IFT74: variants seen among roughly 807,000 people sequenced by gnomAD.
IFT74 encodes intraflagellar transport 74, also known as intraflagellar transport protein 74 homolog.
In IFT74, 92 loss-of-function variants were observed where a neutral mutation model predicts 96.7. That is an observed-to-expected ratio of 0.95 (90% CI 0.80 to 1.13). IFT74 has a LOEUF of 1.13. Among genes scored for constraint, IFT74 ranks in the 50% most tolerant of loss-of-function variants. IFT74 has a pLI of 0.00. For missense variants in IFT74, 811 were observed against 698.2 expected (o/e 1.16, Z -1.82); for synonymous variants, 223 against 213.2 (o/e 1.05, Z -0.40).
chr9:27,037,978 T>C (rs752591181), intron 13 of IFT74, among the ~76,000 whole-genome samples: 7 of 152,250 alleles, frequency 4.6e-5, no homozygotes, highest in Non-Finnish European at 1.0e-4. Flanking sequence ...ACTACCTCAC[T>C]GTTTTAGCCA....
chr9:27,007,039 A>G (rs1004260258), intron 8 of IFT74, among the ~76,000 whole-genome samples: 2 of 151,656 alleles, frequency 1.3e-5, no homozygotes, highest in Admixed American at 6.6e-5. Context: ...GGGTTTCACC[A>G]TGTTAGCAAG....
At chr9:26,981,039 C>T (rs991525207) in intron 4 of IFT74, among the ~76,000 whole-genome samples, 3 of 152,164 alleles carry the variant, frequency 2.0e-5, no homozygotes, top group Non-Finnish European at 4.4e-5. Context: ...GTCAAGGTGT[C>T]CTCATGGCAG....
chr9:27,049,272 G>A lies in IFT74; in HGVS notation c.1333+998G>A, dbSNP rs144035529. Among the ~76,000 whole-genome samples the A allele has an allele frequency of 8.9e-3, 1,356 of 152,218 alleles. 16 individuals are homozygous for A. The highest frequency in any genetic ancestry group is 0.03 in the African/African-American group (1,228 of 41,516). ...CCTTTATAGCAATGCAAATAGACTA[G>A]TACACATATACATCTTAAAGGTACA... On this transcript the variant is annotated intron_variant, in intron 16 of 19. Coordinates refer to ENST00000380062, the MANE Select transcript of IFT74 (RefSeq NM_025103.4).
At chr9:26,958,730 G>A (rs10967621) in intron 1 of IFT74, among the ~76,000 whole-genome samples, 1 of 152,066 alleles carries the variant, frequency 6.6e-6, no homozygotes, top group Non-Finnish European at 1.5e-5. Flanking sequence ...TTATTATTTG[G>A]ATATAAACAC....
chr9:26,968,196 A>C (rs1464833512), intron 2 of IFT74, among the ~76,000 whole-genome samples: 1 of 151,534 alleles, frequency 6.6e-6, no homozygotes, highest in Non-Finnish European at 1.5e-5. Context: ...TGTTTGGTGG[A>C]ACTCAGCAGT....
At chr9:27,023,454 A>T (rs1587370991) in intron 12 of IFT74, among the ~76,000 whole-genome samples, 1 of 152,156 alleles carries the variant, frequency 6.6e-6, no homozygotes, top group Admixed American at 6.5e-5. Context: ...TATGTGGTGT[A>T]TCACGTTTAT....
intron 12 of IFT74, among the ~76,000 whole-genome samples, chr9:27,020,754 G>A (rs1026712169): frequency 3.9e-5 from 6 of 152,086 alleles, no homozygotes; most frequent in East Asian, 1.9e-4. Flanking sequence ...GTTTACAGGC[G>A]TGACCTACCG....
intron 13 of IFT74, among the ~76,000 whole-genome samples, chr9:27,030,118 T>C (rs1005208722): frequency 2.5e-4 from 38 of 152,286 alleles, no homozygotes; most frequent in African/African-American, 9.1e-4. Flanking sequence ...AAGATAAAAG[T>C]AGATTCTCCA....
chr9:27,050,715 TCA>T (rs996296783), intron 16 of IFT74, among the ~76,000 whole-genome samples: 2 of 119,394 alleles, frequency 1.7e-5, no homozygotes, highest in Non-Finnish European at 3.2e-5. Flanking sequence ...AAGGGGGACA[TCA>T]CACACCGGGG....
chr9:26,965,450 G>GTAA (rs1273847838), intron 2 of IFT74, among the ~76,000 whole-genome samples: 1 of 151,966 alleles, frequency 6.6e-6, no homozygotes, highest in East Asian at 1.9e-4. Flanking sequence ...AGAGTTTCAG[G>GTAA]TAATAATATT....
At chr9:26,960,349 A>G (rs1448883926) in intron 1 of IFT74, among the ~76,000 whole-genome samples, 1 of 152,134 alleles carries the variant, frequency 6.6e-6, no homozygotes. Context: ...TATCTTCATA[A>G]CTATTTTATA....
intron 10 of IFT74, among the ~76,000 whole-genome samples, chr9:27,013,008 C>T (rs939123866): frequency 7.2e-5 from 11 of 152,126 alleles, no homozygotes; most frequent in African/African-American, 2.4e-4. Flanking sequence ...TGAGCCACTG[C>T]GCCCAGCCAA....
intron 1 of IFT74, among the ~76,000 whole-genome samples, chr9:26,958,585 A>C (rs573993072): frequency 6.6e-6 from 1 of 152,328 alleles, no homozygotes; most frequent in East Asian, 1.9e-4. Context: ...AGGGAGAGGA[A>C]GATGTCAAGG....
At chr9:27,049,677 G>A (rs1218728531) in intron 16 of IFT74, among the ~76,000 whole-genome samples, 1 of 152,158 alleles carries the variant, frequency 6.6e-6, no homozygotes, top group Non-Finnish European at 1.5e-5. Flanking sequence ...TTGGTGGAGT[G>A]ACAGTTATGA....
intron 18 of IFT74, among the ~76,000 whole-genome samples, chr9:27,056,974 C>T (rs1820193666): frequency 6.6e-6 from 1 of 151,824 alleles, no homozygotes; most frequent in African/African-American, 2.4e-5. Context: ...AGAAATTGTG[C>T]CATATTGTAC....
At chr9:27,035,110 T>A (rs1819112260) in intron 13 of IFT74, among the ~76,000 whole-genome samples, 1 of 152,222 alleles carries the variant, frequency 6.6e-6, no homozygotes, top group Admixed American at 6.5e-5. Flanking sequence ...AACACATTCA[T>A]AATAGCAGTC....
intron 3 of IFT74, among the ~76,000 whole-genome samples, chr9:26,979,109 A>G (rs1425924296): frequency 6.6e-6 from 1 of 151,956 alleles, no homozygotes; most frequent in Non-Finnish European, 1.5e-5. Context: ...CATACATGCT[A>G]CTTTCTATAA....
rs1826396307 is a variant in IFT74, at chr9:26,962,178, A to G, written c.120+91A>G. 24 of 1,252,492 alleles carry G rather than the reference A, an allele frequency of 1.9e-5. No individual in the cohort carries two copies. In the South Asian group the frequency reaches 3.1e-4, roughly 16 times the overall value. The allele number at this position is 1,252,492 out of a possible 1,614,324, so 77.6% of individuals were successfully genotyped here. On this transcript the variant is annotated intron_variant, in intron 2 of 19. Coordinates refer to ENST00000380062, the MANE Select transcript of IFT74 (RefSeq NM_025103.4). ...ACTGGGGCTTCAGTGAACTCTGATC[A>G]TGCCACTGCACCCCAGTTTTTGAGT...
intron 18 of IFT74, among the ~76,000 whole-genome samples, chr9:27,059,804 C>T (rs1371637373): frequency 2.0e-5 from 3 of 152,210 alleles, no homozygotes; most frequent in Non-Finnish European, 4.4e-5. Context: ...AACATTTCCA[C>T]TGTTGCTTCA....
Sources: allele counts gnomAD v4.1 joint callset (sites outside exome capture counted in the v4.1 genomes callset), GRCh38; gene constraint gnomAD v4.1.1; transcripts MANE v1.5; gene names NCBI Gene and HGNC (gene_info 2026-07-23, HGNC 2026-07-21).